PDE2A: variants seen among roughly 807,000 people sequenced by gnomAD.
The protein encoded by PDE2A is phosphodiesterase 2A.
A neutral mutation model predicts 133.6 loss-of-function variants in PDE2A; 53 were observed. The observed-to-expected ratio is 0.40, with a 90% CI of 0.32 to 0.50. PDE2A has a LOEUF of 0.50. Among genes scored for constraint, PDE2A ranks in the 20% least tolerant of loss-of-function variants. PDE2A has a pLI of 0.73. For missense variants in PDE2A, 796 were observed against 1,232.4 expected (o/e 0.65, Z 5.30); for synonymous variants, 491 against 490.2 (o/e 1.00, Z -0.02).
chr11:72,642,487 C>T (rs1213285316), intron 1 of PDE2A, 161 bp from the exon 2 acceptor site: 1 of 740,532 alleles, frequency 1.4e-6, no homozygotes, highest in Non-Finnish European at 1.6e-6. Flanking sequence ...CCCCGGCCCG[C>T]CCCCCGCCCG....
chr11:72,598,426 G>T, intron 4 of PDE2A: 1 of 1,064,490 alleles, frequency 9.4e-7, no homozygotes, highest in Non-Finnish European at 1.3e-6. Flanking sequence ...GTTGGTATGG[G>T]AAGAATGAGT....
intron 2 of PDE2A, among the ~76,000 whole-genome samples, chr11:72,615,300 C>T (rs764338226): frequency 7.9e-5 from 12 of 152,208 alleles, no homozygotes; most frequent in African/African-American, 2.2e-4. Flanking sequence ...AATGACCTCC[C>T]GGTTGTCCCC....
intron 2 of PDE2A, chr11:72,636,147 A>T (rs751853484): frequency 8.6e-7 from 1 of 1,163,944 alleles, no homozygotes; most frequent in South Asian, 1.6e-5. Context: ...TCTGCAGAGG[A>T]GGGGCCCTGC....
At position 72,590,259 on chromosome 11, in the gene PDE2A, C is replaced by A; in HGVS notation, c.704-15G>T. The A allele has an allele frequency of 6.4e-7, 1 of 1,551,208 alleles. No individual in the cohort carries two copies. The highest frequency in any genetic ancestry group is 8.7e-7 in the Non-Finnish European group (1 of 1,146,750). ...GTAGAGTTCCCCTGCAAGGGCCAGG[C>A]GCCGGTCAGAGAGAGGGCCCCTCCG... On this transcript the variant is annotated splice_polypyrimidine_tract_variant and intron_variant, in intron 8 of 30. Coordinates refer to ENST00000334456, the MANE Select transcript of PDE2A (RefSeq NM_002599.5). This position sits in a 1 kb window ranked among gnomAD's most constrained non-coding sequence, Gnocchi z 4.8.
At chr11:72,582,282 T>A in intron 21 of PDE2A, 162 bp downstream of exon 21, 2 of 722,600 alleles carry the variant, frequency 2.8e-6, no homozygotes, top group Non-Finnish European at 4.5e-6. Flanking sequence ...GCAGGCCCTA[T>A]GGCTTCCTGA....
At chr11:72,652,831 C>T in intron 1 of PDE2A, 1 of 408,434 alleles carries the variant, frequency 2.4e-6, no homozygotes, top group South Asian at 1.8e-5. Flanking sequence ...CAGGGCCTCC[C>T]CCAGTCCTTC....
intron 7 of PDE2A, 144 bp downstream of exon 7, chr11:72,591,153 G>A: frequency 1.4e-6 from 1 of 690,446 alleles, no homozygotes; most frequent in South Asian, 1.7e-5. Flanking sequence ...GAGACGTTTA[G>A]TGACTTGCTC....
Position 72,584,219 on chromosome 11 carries a change from G to A in PDE2A, c.1632C>T (p.Cys544=), listed in dbSNP as rs1565150088. 6.5e-7 allele frequency: 1 copy of A among 1,531,562 alleles called. No homozygotes were observed. Among genetic ancestry groups the A allele is most frequent in the East Asian group, 2.5e-5 (1 of 39,942 alleles). The allele number at this position is 1,531,562 out of a possible 1,614,324, so 94.9% of individuals were successfully genotyped here. A position where few individuals can be genotyped will look rare whatever the true frequency, so the allele number is the denominator to read the frequency against. Residue 544 remains cysteine (C), a synonymous_variant, in exon 19 of 31, where the codon TGC becomes TGT. Coordinates refer to ENST00000334456, the MANE Select transcript of PDE2A (RefSeq NM_002599.5). ...EDLATAFSIY[C]GISIAHSLLY... ...CCCTCACATGGGCGATGCTGATGCC[G>A]CAGTAGATGGAGAAGGCCGTCGCCA...
chr11:72,585,602 A>G lies in PDE2A; in HGVS notation c.1183-9T>C, dbSNP rs1565151599. The G allele has an allele frequency of 1.9e-6, 3 of 1,613,596 alleles. No individual in the cohort carries two copies. The Admixed American group carries it at 5.0e-5, about 27-fold the overall frequency. ...GCCACTTGGAGAAGAGCCTGGAATG[A>G]AGGAAATGGAGATCATAGGGGGGTC... On this transcript the variant is annotated splice_polypyrimidine_tract_variant and intron_variant, in intron 14 of 30. Transcript: ENST00000334456.
rs913148035 is a variant in PDE2A at position 72,590,043 on chromosome 11, C to G, written c.757-62G>C. ...GGATCCGGGTCACCCCACTCCCCAC[C>G]TGCTCCCCTCTCCGGGGCTCTTCAG... On this transcript the variant is annotated intron_variant, in intron 9 of 30. Coordinates refer to ENST00000334456, the MANE Select transcript of PDE2A (RefSeq NM_002599.5). The surrounding 1 kb of genome is among the most constrained non-coding windows in gnomAD (Gnocchi z 4.8). 9 of 1,462,264 alleles carry G rather than the reference C, an allele frequency of 6.2e-6. No homozygotes were observed. The African/African-American group carries it at 1.1e-4, about 18-fold the overall frequency. 90.6% of individuals were successfully genotyped at this position (1,462,264 alleles called of 1,614,324 possible).
At chr11:72,663,850 T>C (rs540011136) in intron 1 of PDE2A, among the ~76,000 whole-genome samples, 1 of 152,312 alleles carries the variant, frequency 6.6e-6, no homozygotes, top group African/African-American at 2.4e-5. Flanking sequence ...CTTGGGCAAG[T>C]CCATGCCCTC....
chr11:72,639,716 C>T (rs989717142), intron 2 of PDE2A, among the ~76,000 whole-genome samples: 1 of 152,206 alleles, frequency 6.6e-6, no homozygotes, highest in Non-Finnish European at 1.5e-5. Context: ...CTGTCCAGCG[C>T]CTGCTCCGCC....
intron 6 of PDE2A, among the ~76,000 whole-genome samples, chr11:72,595,995 C>G (rs1050683356): frequency 1.3e-5 from 2 of 152,144 alleles, no homozygotes; most frequent in Non-Finnish European, 2.9e-5. Flanking sequence ...CAGAAAGCCC[C>G]CCTAGCTGCC....
intron 4 of PDE2A, among the ~76,000 whole-genome samples, chr11:72,600,325 G>A (rs879626576): frequency 1.3e-5 from 2 of 152,182 alleles, no homozygotes; most frequent in Non-Finnish European, 2.9e-5. Flanking sequence ...GGACAAGACA[G>A]AGGCTGAGCT....
intron 19 of PDE2A, 150 bp downstream of exon 19, chr11:72,584,051 G>A: frequency 1.6e-6 from 1 of 608,792 alleles, no homozygotes; most frequent in South Asian, 1.9e-5. Context: ...TGGCCAGCGT[G>A]TCCTGAAGGC....
At chr11:72,586,311 C>A (rs958662789) in intron 13 of PDE2A, 130 bp from the exon 14 acceptor site, 3 of 646,232 alleles carry the variant, frequency 4.6e-6, no homozygotes, top group Non-Finnish European at 8.4e-6. Context: ...TGCACAGGCC[C>A]TTGGAACAGC....
intron 14 of PDE2A, 101 bp from the exon 15 acceptor site, chr11:72,585,694 C>T: frequency 1.0e-6 from 1 of 977,236 alleles, no homozygotes. Context: ...CCTTCCTTCC[C>T]TAGGGCTCAC....
At chr11:72,598,682 G>A in intron 4 of PDE2A, 1 of 1,284,916 alleles carries the variant, frequency 7.8e-7, no homozygotes, top group Non-Finnish European at 1.0e-6. Flanking sequence ...GGTCACATGA[G>A]GAAAAGGAGG....
Position 72,585,957 on chromosome 11 carries a change from G to C in PDE2A, c.1182+113C>G, listed in dbSNP as rs1855953856. On this transcript the variant is annotated intron_variant, in intron 14 of 30. Coordinates refer to ENST00000334456, the MANE Select transcript of PDE2A (RefSeq NM_002599.5). Reference sequence around the variant, plus strand: ...AGTTATGAGGTTATGGAGCCACCTGGGGAAGGGCTGCCACCAGTCCAGAAA... The same window carrying C: ...AGTTATGAGGTTATGGAGCCACCTGCGGAAGGGCTGCCACCAGTCCAGAAA... 3 of 711,716 alleles carry C rather than the reference G, an allele frequency of 4.2e-6. No individual in the cohort carries two copies. In the African/African-American group the frequency reaches 5.3e-5, roughly 12 times the overall value. 44.1% of individuals were successfully genotyped at this position (711,716 alleles called of 1,614,324 possible).
Sources: gnomAD v4.1 joint callset for allele counts (sites outside exome capture counted in the v4.1 genomes callset) on GRCh38, gnomAD v4.1.1 for gene constraint, Gnocchi (gnomAD v3.1) non-coding constraint, MANE v1.5 for transcripts, NCBI Gene and HGNC (gene_info 2026-07-23, HGNC 2026-07-21) for gene names.